The following ZNF831 variants were observed in gnomAD, a reference collection of about 807,000 sequenced individuals.
The protein encoded by ZNF831 is zinc finger protein 831.
Under a neutral mutation model 95.8 loss-of-function variants are expected in ZNF831, and 59 were observed. The observed-to-expected ratio is 0.62, with a 90% CI of 0.50 to 0.77. The LOEUF (loss-of-function observed/expected upper bound fraction) is 0.77, where lower values mean the gene tolerates loss of function less well. Ranked by LOEUF, ZNF831 falls within the 30% of genes least tolerant of loss-of-function variation. The pLI, the probability that ZNF831 is intolerant of heterozygous loss-of-function variation, is 0.00. For missense variants in ZNF831, 2,205 were observed against 2,164.0 expected, an observed-to-expected ratio of 1.02 and a Z score of -0.38; for synonymous variants, 961 against 925.5, an observed-to-expected ratio of 1.04 and a Z score of -0.70.
At chr20:59,138,450 C>A (rs1043900619) in intron 1 of ZNF831, among the ~76,000 whole-genome samples, 2 of 152,072 alleles carry the variant, frequency 1.3e-5, no homozygotes, top group African/African-American at 4.8e-5. Flanking sequence ...TGGCCCCCGT[C>A]CCCTGATCAC....
chr20:59,192,171 G>A lies in ZNF831; in HGVS notation c.1152G>A (p.Gly384=), dbSNP rs761872476. 42 of 1,563,756 alleles carry A rather than the reference G, an allele frequency of 2.7e-5. 1 individual carries two copies. The Admixed American group carries it at 6.3e-4, about 24-fold the overall frequency. The change falls in exon 2 of 6, where the codon GGG becomes GGA. Residue 384 remains glycine, a synonymous_variant. Transcript: ENST00000371030. The surrounding 1 kb of genome is among the most constrained non-coding windows in gnomAD (Gnocchi z 5.2). The part of the protein sequence containing the change: ...EGEGGPGPGP[G]VAGAEPGARE... Reference sequence around the variant, plus strand: ...AGGGCGGCCCGGGCCCGGGGCCAGGGGTCGCAGGGGCCGAGCCCGGGGCGC... The same window carrying A: ...AGGGCGGCCCGGGCCCGGGGCCAGGAGTCGCAGGGGCCGAGCCCGGGGCGC...
At chr20:59,158,121 C>T (rs568874442) in intron 2 of ZNF831, among the ~76,000 whole-genome samples, 218 of 152,330 alleles carry the variant, frequency 1.4e-3, no homozygotes, top group Middle Eastern at 0.01. Context: ...GTACCACACC[C>T]TGCTCTCCTC....
Position 59,145,281 on chromosome 20 carries a change from C to T in ZNF831, c.-1424-950C>T, listed in dbSNP as rs577158017. 9.9e-5 allele frequency among the ~76,000 whole-genome samples: 15 copies of T among 152,154 alleles called. No homozygotes were observed. In the South Asian group the frequency reaches 1.0e-3, roughly 11 times the overall value. On this transcript the variant is annotated intron_variant, in intron 1 of 7. Transcript: ENST00000637017. ...GTCACGTTACCATTGGGCTGAGGGA[C>T]GGAAGATTGTGTGTGTGTTTGTGTG... is the stretch of plus-strand genomic sequence containing the variant.
rs181802831 is a variant in ZNF831, at chr20:59,252,086, T to C, written c.4028-892T>C. 1.4e-3 allele frequency among the ~76,000 whole-genome samples: 216 copies of C among 152,262 alleles called. 2 individuals carry two copies. The highest frequency in any genetic ancestry group is 4.9e-3 in the African/African-American group (205 of 41,538). ...CCCCATGAGAAGTCACAGCTACTAC[T>C]TCCACAAAATGTAGTTCTATAACAA... On this transcript the variant is annotated intron_variant, in intron 4 of 5. Transcript: ENST00000371030.
intron 2 of ZNF831, among the ~76,000 whole-genome samples, chr20:59,155,301 C>T (rs1258839326): frequency 6.6e-6 from 1 of 152,192 alleles, no homozygotes; most frequent in Non-Finnish European, 1.5e-5. Flanking sequence ...AGTCAGAACA[C>T]TTGTTAGCAG....
rs2146595187 is a variant in ZNF831, at chr20:59,194,170, G to A, written c.3151G>A (p.Ala1051Thr). The A allele has an allele frequency of 1.3e-6, 2 of 1,587,576 alleles. No homozygotes were observed. Among genetic ancestry groups the A allele is most frequent in the Non-Finnish European group, 1.7e-6 (2 of 1,165,580 alleles). The change falls in exon 2 of 6, where the codon GCT becomes ACT. Residue 1051 changes from alanine (A) to threonine (T), a missense_variant. Transcript: ENST00000371030. The part of the protein sequence containing the change: ...PISAPGAPRE[A>T]TSSPPTPTCE... Reference sequence around the variant, plus strand: ...CTCAGCACCAGGGGCTCCCAGGGAGGCTACCTCCTCCCCGCCCACTCCAAC... The same window carrying A: ...CTCAGCACCAGGGGCTCCCAGGGAGACTACCTCCTCCCCGCCCACTCCAAC...
rs536925686 is a variant in ZNF831 at position 59,254,920 on chromosome 20, G to A, written c.*177G>A. The A allele has an allele frequency of 8.9e-5, 69 of 776,142 alleles. No individual in the cohort carries two copies. The African/African-American group carries it at 1.0e-3, about 11-fold the overall frequency. 48.1% of individuals were successfully genotyped at this position (776,142 alleles called of 1,614,324 possible). A position where few individuals can be genotyped will look rare whatever the true frequency, so the allele number is the denominator to read the frequency against. On this transcript the variant is annotated 3_prime_UTR_variant, in exon 6 of 6. Transcript: ENST00000371030. The surrounding 1 kb of genome is among the most constrained non-coding windows in gnomAD (Gnocchi z 4.5). ...ACTTCTGACCCCCAACTCAGCCGCA[G>A]CGTTCCCCAGCTCCCCTTGGGAGTG...
intron 4 of ZNF831, among the ~76,000 whole-genome samples, chr20:59,228,310 C>A (rs948913204): frequency 1.3e-5 from 2 of 152,052 alleles, no homozygotes; most frequent in Non-Finnish European, 2.9e-5. Flanking sequence ...ATCTGTGGAG[C>A]CAGCTGGGGG....
At chr20:59,128,409 G>A (rs1412629851) in intron 1 of ZNF831, among the ~76,000 whole-genome samples, 1 of 152,180 alleles carries the variant, frequency 6.6e-6, no homozygotes, top group Admixed American at 6.5e-5. Flanking sequence ...TAGATGACTG[G>A]CCAGGGAAGG....
At chr20:59,190,667 T>C (rs1983422581) in intron 1 of ZNF831, among the ~76,000 whole-genome samples, 1 of 152,234 alleles carries the variant, frequency 6.6e-6, no homozygotes, top group South Asian at 2.1e-4. Flanking sequence ...ACTGTGCTGG[T>C]GCCAGGGGAT....
chr20:59,167,825 G>A (rs1748714924), intron 1 of ZNF831, among the ~76,000 whole-genome samples: 1 of 151,996 alleles, frequency 6.6e-6, no homozygotes. Context: ...ACTGAGCTGA[G>A]ATCGTGCCAC....
chr20:59,211,779 T>TTGTGTGTGTGTG (rs11472424), intron 4 of ZNF831, among the ~76,000 whole-genome samples: 58 of 146,786 alleles, frequency 4.0e-4, no homozygotes, highest in Middle Eastern at 3.5e-3. Context: ...GGAGCTGACC[T>TTGTGTGTGTGTG]TGTGTGTGTG....
In ZNF831 at chr20:59,191,150, C is replaced by G. The variant is rs1248794830; in HGVS notation, c.131C>G (p.Pro44Arg). 6.2e-7 allele frequency: 1 copy of G among 1,601,502 alleles called. No homozygotes were observed. The highest frequency in any genetic ancestry group is 1.3e-5 in the African/African-American group (1 of 74,822). ...ACCCTGGGCCCTGTCCTTCTGCCGC[C>G]AGAGCAGGGCCTGGCCCCCCCCACT... ...HLTLGPVLLPPEQGLAPPTVF... is the reference protein window; with the variant it reads ...HLTLGPVLLPREQGLAPPTVF... The change falls in exon 2 of 6, where the codon CCA (proline) becomes CGA (arginine). Residue 44 changes from proline to arginine, a missense_variant. By Grantham distance (103) the Pro-to-Arg change is moderately radical. Coordinates refer to ENST00000371030, the MANE Select transcript of ZNF831 (RefSeq NM_178457.3).
intron 2 of ZNF831, among the ~76,000 whole-genome samples, chr20:59,157,442 G>T (rs1033331076): frequency 2.3e-4 from 35 of 152,186 alleles, no homozygotes; most frequent in African/African-American, 8.0e-4. Context: ...GAATTGGGTG[G>T]CTTATCATTT....
In ZNF831 at chr20:59,192,953, C is replaced by T. The variant is rs2146574770; in HGVS notation, c.1934C>T (p.Ala645Val). ...MKASPHGGKK[A>V]REVGMGSGAE... ...GCCAGTCCCCATGGAGGCAAGAAAG[C>T]CAGGGAGGTGGGAATGGGCAGTGGG... The change falls in exon 2 of 6, where the codon GCC becomes GTC. Residue 645 changes from alanine to valine, a missense_variant. By Grantham distance (64) the Ala-to-Val change is moderately conservative. Coordinates refer to ENST00000371030, the MANE Select transcript of ZNF831 (RefSeq NM_178457.3). The surrounding 1 kb of genome is among the most constrained non-coding windows in gnomAD (Gnocchi z 5.2). The T allele has an allele frequency of 6.3e-7, 1 of 1,599,458 alleles. No homozygotes were observed. The highest frequency in any genetic ancestry group is 8.5e-7 in the Non-Finnish European group (1 of 1,173,508).
intron 2 of ZNF831, among the ~76,000 whole-genome samples, chr20:59,151,559 T>A (rs1020293112): frequency 2.0e-5 from 3 of 151,886 alleles, no homozygotes; most frequent in Non-Finnish European, 4.4e-5. Flanking sequence ...CCACAACTGG[T>A]GAGATACCGA....
At chr20:59,241,893 T>A (rs1987359518) in intron 4 of ZNF831, among the ~76,000 whole-genome samples, 1 of 152,188 alleles carries the variant, frequency 6.6e-6, no homozygotes, top group African/African-American at 2.4e-5. Flanking sequence ...AAAAGTACAA[T>A]CGCCTAAGTA....
intron 1 of ZNF831, among the ~76,000 whole-genome samples, chr20:59,126,722 C>T (rs924638625): frequency 2.6e-4 from 40 of 152,210 alleles, no homozygotes; most frequent in African/African-American, 8.9e-4. Flanking sequence ...GCTTGCTGTC[C>T]GCATCAGCCA....
At chr20:59,211,996 T>C (rs895684699) in intron 4 of ZNF831, among the ~76,000 whole-genome samples, 3 of 131,106 alleles carry the variant, frequency 2.3e-5, no homozygotes, top group East Asian at 2.4e-4. Context: ...ATTTCTCAAT[T>C]TAAAGGCAGA....
Sources: allele counts gnomAD v4.1 joint callset (sites outside exome capture counted in the v4.1 genomes callset), GRCh38; gene constraint gnomAD v4.1.1; non-coding constraint Gnocchi (gnomAD v3.1); transcripts MANE v1.5; gene names NCBI Gene and HGNC (gene_info 2026-07-23, HGNC 2026-07-21).